INHBA: variants seen among roughly 807,000 people sequenced by gnomAD.
The protein encoded by INHBA is inhibin subunit beta A.
Under a neutral mutation model 29.0 loss-of-function variants are expected in INHBA, and 1 was observed. The observed-to-expected ratio is 0.03, with a 90% CI of 0.01 to 0.16. INHBA has a LOEUF of 0.16. Ranked by LOEUF, INHBA falls within the 10% of genes least tolerant of loss-of-function variation. The probability of loss-of-function intolerance (pLI) is 1.00; values close to 1 mark genes in which losing one functional copy is unlikely to be tolerated. For missense variants in INHBA, 376 were observed against 545.4 expected, an observed-to-expected ratio of 0.69 and a Z score of 3.09; for synonymous variants, 242 against 216.8, an observed-to-expected ratio of 1.12 and a Z score of -1.02.
At chr7:41,702,792 T>C (rs1006914312) in intron 1 of INHBA, among the ~76,000 whole-genome samples, 3 of 152,250 alleles carry the variant, frequency 2.0e-5, no homozygotes, top group Non-Finnish European at 2.9e-5. Context: ...CTTTGGCATA[T>C]GTACTTGTAT....
intron 2 of INHBA, chr7:41,693,830 G>C (rs567216829): frequency 1.3e-5 from 2 of 152,292 alleles, no homozygotes; most frequent in Admixed American, 1.3e-4. Context: ...TCTGTTCCCT[G>C]TATTTGCATC....
chr7:41,695,358 T>C (rs934879266), intron 2 of INHBA, among the ~76,000 whole-genome samples: 2 of 152,212 alleles, frequency 1.3e-5, no homozygotes, highest in Non-Finnish European at 2.9e-5. Context: ...TTCATCAAGA[T>C]TTCACTGTGC....
chr7:41,691,197 G>GT (rs1794518139), intron 2 of INHBA: 1 of 152,472 alleles, frequency 6.6e-6, no homozygotes. Context: ...ACCTCGCTGT[G>GT]TAAGTCTGTG....
At chr7:41,699,839 A>G in intron 2 of INHBA, 148 bp downstream of exon 2, 1 of 600,752 alleles carries the variant, frequency 1.7e-6, no homozygotes, top group Admixed American at 3.0e-5. Flanking sequence ...TCCGTCGGCT[A>G]GTCCGCTACC....
At chr7:41,697,366 G>C (rs118161317) in intron 2 of INHBA, among the ~76,000 whole-genome samples, 16 of 152,134 alleles carry the variant, frequency 1.1e-4, no homozygotes, top group Non-Finnish European at 2.2e-4. Flanking sequence ...ATAACAACTC[G>C]CATCAACTTT....
At chr7:41,700,995 T>C (rs1354511454) in intron 1 of INHBA, among the ~76,000 whole-genome samples, 2 of 152,116 alleles carry the variant, frequency 1.3e-5, no homozygotes, top group African/African-American at 4.8e-5. Context: ...CCTTCTGCTC[T>C]TAGCTTCCTC....
chr7:41,694,757 T>C (rs1423446984), intron 2 of INHBA, among the ~76,000 whole-genome samples: 1 of 152,136 alleles, frequency 6.6e-6, no homozygotes, highest in Non-Finnish European at 1.5e-5. Flanking sequence ...GGTGATAATA[T>C]TTCATCACTT....
chr7:41,694,757 T>G (rs1423446984), intron 2 of INHBA, among the ~76,000 whole-genome samples: 6 of 152,254 alleles, frequency 3.9e-5, no homozygotes, highest in Middle Eastern at 3.4e-3. Context: ...GGTGATAATA[T>G]TTCATCACTT....
intron 1 of INHBA, among the ~76,000 whole-genome samples, chr7:41,700,841 AAGAG>A (rs3030163): frequency 0.39 from 30,889 of 78,886 alleles, 6,599 homozygotes; most frequent in East Asian, 0.55. Context: ...GAGGGAAAGG[AAGAG>A]AGAGAGAGAG....
At chr7:41,703,730 C>T (rs1471569900), upstream of INHBA, among the ~76,000 whole-genome samples, 1 of 151,634 alleles carries the variant, frequency 6.6e-6, no homozygotes, top group Non-Finnish European at 1.5e-5. Flanking sequence ...CATAAGTATC[C>T]TTCCCAGGTC....
At chr7:41,702,140 G>A (rs1011103307) in intron 1 of INHBA, among the ~76,000 whole-genome samples, 39 of 152,144 alleles carry the variant, frequency 2.6e-4, no homozygotes, top group Admixed American at 2.3e-3. Context: ...CTGACACCTA[G>A]TGTGTTCATA....
chr7:41,703,655 T>G (rs1301109513), upstream of INHBA, among the ~76,000 whole-genome samples: 1 of 152,168 alleles, frequency 6.6e-6, no homozygotes, highest in Non-Finnish European at 1.5e-5. Flanking sequence ...TTTTACATCT[T>G]GAAATTGAAT....
At chr7:41,700,641 A>C in intron 1 of INHBA, 124 bp from the exon 2 acceptor site, 1 of 144,134 alleles carries the variant, frequency 6.9e-6, no homozygotes, top group East Asian at 2.2e-4. Context: ...GTAAGAGAGA[A>C]GGAAGGAGGG....
chr7:41,689,529 T>G lies in INHBA; in HGVS notation c.*121A>C. The G allele has an allele frequency of 1.2e-6, 1 of 822,356 alleles. No individual in the cohort carries two copies. The highest frequency in any genetic ancestry group is 1.7e-6 in the Non-Finnish European group (1 of 591,226). 50.9% of individuals were successfully genotyped at this position (822,356 alleles called of 1,614,324 possible). A position where few individuals can be genotyped will look rare whatever the true frequency, so the allele number is the denominator to read the frequency against. On this transcript the variant is annotated 3_prime_UTR_variant, in exon 3 of 3. Coordinates refer to ENST00000242208, the MANE Select transcript of INHBA (RefSeq NM_002192.4). ...TTTACTTTTGTTTTTTTTTGTTTTTTTTTTTGTTTTGTTTTTAATTTCTAT... is the reference window on the plus strand; with the variant it reads ...TTTACTTTTGTTTTTTTTTGTTTTTGTTTTTGTTTTGTTTTTAATTTCTAT...
At chr7:41,701,521 C>T (rs1181266846) in intron 1 of INHBA, among the ~76,000 whole-genome samples, 2 of 152,148 alleles carry the variant, frequency 1.3e-5, no homozygotes, top group African/African-American at 4.8e-5. Flanking sequence ...TGCAGCAGGG[C>T]ACTGAAGGAC....
intron 1 of INHBA, among the ~76,000 whole-genome samples, chr7:41,702,613 A>G (rs546436454): frequency 6.2e-4 from 94 of 152,352 alleles, no homozygotes; most frequent in South Asian, 1.7e-3. Context: ...GTTTTACAAG[A>G]AAGTCTGAAA....
At chr7:41,695,883 G>T (rs559862012) in intron 2 of INHBA, among the ~76,000 whole-genome samples, 1 of 152,262 alleles carries the variant, frequency 6.6e-6, no homozygotes, top group South Asian at 2.1e-4. Flanking sequence ...TTTAGCAGAA[G>T]AGGGGCCAAG....
rs1332031173 is a variant in INHBA, at chr7:41,685,755, G to A, written c.*3895C>T. ...AGACATGTGGTTTGCTTCTGCTCTTGAAGATGTGAACAGCTTCTAAGCATT... is the reference window on the plus strand; with the variant it reads ...AGACATGTGGTTTGCTTCTGCTCTTAAAGATGTGAACAGCTTCTAAGCATT... On this transcript the variant is annotated 3_prime_UTR_variant, in exon 3 of 3. Coordinates refer to ENST00000242208, the MANE Select transcript of INHBA (RefSeq NM_002192.4). The A allele has an allele frequency of 6.6e-6, 1 of 152,078 alleles. No individual in the cohort carries two copies. The highest frequency in any genetic ancestry group is 1.5e-5 in the Non-Finnish European group (1 of 67,968). The allele number at this position is 152,078 out of a possible 1,614,324, so 9.4% of individuals were successfully genotyped here. A position where few individuals can be genotyped will look rare whatever the true frequency, so the allele number is the denominator to read the frequency against.
At chr7:41,701,610 G>A (rs1052110665) in intron 1 of INHBA, among the ~76,000 whole-genome samples, 1 of 152,044 alleles carries the variant, frequency 6.6e-6, no homozygotes, top group African/African-American at 2.4e-5. Flanking sequence ...CCCTTCTGCC[G>A]GGGACCCACT....
Sources: allele counts gnomAD v4.1 joint callset (sites outside exome capture counted in the v4.1 genomes callset), GRCh38; gene constraint gnomAD v4.1.1; transcripts MANE v1.5; gene names NCBI Gene and HGNC (gene_info 2026-07-23, HGNC 2026-07-21).